Variants in NR1D1 observed in about 807,000 individuals in gnomAD.
NR1D1 encodes Rev-ErbAalpha.
A neutral mutation model predicts 51.1 loss-of-function variants in NR1D1; 17 were observed. The ratio of observed to expected loss-of-function variants is 0.33; its 90% confidence interval spans 0.23 to 0.50. The LOEUF (loss-of-function observed/expected upper bound fraction) is 0.50. Among genes scored for constraint, NR1D1 ranks in the 20% least tolerant of loss-of-function variants. The pLI, the probability that NR1D1 is intolerant of heterozygous loss-of-function variation, is 0.98. For synonymous variants in NR1D1, 341 were observed against 333.4 expected (o/e 1.02, Z -0.25); for missense variants, 647 against 830.4 (o/e 0.78, Z 2.71).
In NR1D1 at chr17:40,096,787, A is replaced by C. The variant is rs549909482; in HGVS notation, c.371-8T>G. The C allele has an allele frequency of 5.6e-6, 9 of 1,613,854 alleles. No individual in the cohort carries two copies. Among genetic ancestry groups the C allele is most frequent in the African/African-American group, 5.3e-5 (4 of 74,936 alleles). ...ACACCATGCCATTCAGCTCTGTGGA[A>C]GAGACGGGCAGCAGGTGAGCAGGAG... On this transcript the variant is annotated splice_polypyrimidine_tract_variant and splice_region_variant and intron_variant, in intron 2 of 7. Transcript: ENST00000246672.
At chr17:40,096,166 G>C in intron 4 of NR1D1, 79 bp from the exon 5 acceptor site, 1 of 1,543,324 alleles carries the variant, frequency 6.5e-7, no homozygotes, top group Admixed American at 1.9e-5. Flanking sequence ...TCCTGAAAGG[G>C]CAAGGCCCTG....
At position 40,097,348 on chromosome 17, in the gene NR1D1, A is replaced by G. The variant is rs776537038; in HGVS notation, c.87T>C (p.Pro29=). 1.9e-6 allele frequency: 3 copies of G among 1,613,614 alleles called. No homozygotes were observed. The highest frequency in any genetic ancestry group is 1.7e-6 in the Non-Finnish European group (2 of 1,179,932). The change falls in exon 2 of 8, where the codon CCT becomes CCC. Residue 29 remains proline (P), a synonymous_variant. Transcript: ENST00000246672. ...TGGAGTTGTCACTATAGAGGGATTC[A>G]GGGCTGGTGCGGCTTGGGGAGGAGC... ...SSGSSPSRTS[P]ESLYSDNSNG...
chr17:40,092,937 CAG>C lies in NR1D1; in HGVS notation c.*144_*145del, dbSNP rs1302294715. 6.9e-5 allele frequency: 105 copies of C among 1,528,096 alleles called. No homozygotes were observed. Among genetic ancestry groups the C allele is most frequent in the Non-Finnish European group, 8.1e-5 (92 of 1,136,906 alleles). 94.7% of individuals were successfully genotyped at this position (1,528,096 alleles called of 1,614,324 possible). ...GGAGGCAGGTATTTACAAGAAGGCT[CAG>C]GGGGCCAGAGGCTCATCTTGGAATA... On this transcript the variant is annotated 3_prime_UTR_variant, in exon 8 of 8. Coordinates refer to ENST00000246672, the MANE Select transcript of NR1D1 (RefSeq NM_021724.5).
At position 40,095,888 on chromosome 17, in the gene NR1D1, CTG is replaced by C; in HGVS notation, c.802_803del (p.Gln268ValfsTer14). The C allele has an allele frequency of 6.3e-7, 1 of 1,595,892 alleles. No homozygotes were observed. The highest frequency in any genetic ancestry group is 8.5e-7 in the Non-Finnish European group (1 of 1,170,326). Reference protein sequence around the residue: ...PVPSPLVGFSQFPQQLTPPRS... With the variant: ...PVPSPLVGFSXFPQQLTPPRS... ...TGGGAGGCGTCAGCTGTTGTGGAAA[CTG>C]GGAGAAGCCCACCAGGGGTGAGGGG... On this transcript the variant is annotated frameshift_variant, in exon 5 of 8. Coordinates refer to ENST00000246672, the MANE Select transcript of NR1D1 (RefSeq NM_021724.5). LOFTEE classifies it high-confidence loss of function.
intron 6 of NR1D1, 75 bp from the exon 7 acceptor site, chr17:40,094,197 G>A (rs1032539725): frequency 7.1e-7 from 1 of 1,410,032 alleles, no homozygotes; most frequent in Non-Finnish European, 1.0e-6. Context: ...TAGTTTGCCA[G>A]AGGGTTTAGC....
Position 40,097,111 on chromosome 17 carries a change from C to T in NR1D1, c.324G>A (p.Glu108=), listed in dbSNP as rs771314203. Residue 108 remains glutamate, a synonymous_variant, in exon 2 of 8, where the codon GAG becomes GAA. Transcript: ENST00000246672. ...TGCTGGGGGACACTCGGCTGCTGTC[C>T]TCCATGGCCACTTGTAGACTCCCAG... ...SPPGSLQVAM[E]DSSRVSPSKS... 1.9e-6 allele frequency: 3 copies of T among 1,609,574 alleles called. No homozygotes were observed. Among genetic ancestry groups the T allele is most frequent in the African/African-American group, 2.7e-5 (2 of 74,886 alleles).
chr17:40,093,127 T>C lies in NR1D1; in HGVS notation c.1801A>G (p.Met601Val). Residue 601 changes from methionine (M) to valine (V), a missense_variant, in exon 8 of 8, where the codon ATG becomes GTG. This residue lies in a region of NR1D1 where 155 missense variants were observed against 236.8 expected (regional missense o/e 0.65). Transcript: ENST00000246672. This position sits in a 1 kb window ranked among gnomAD's most constrained non-coding sequence, Gnocchi z 5.9. The stretch of plus-strand genomic sequence containing the variant: ...AAGGACAGCAGCTTCTCGGAATGCA[T>C]GTTGTTCAGGGTCCGCAGGTCCGGC... ...KLPDLRTLNN[M>V]HSEKLLSFRV... 6.2e-7 allele frequency: 1 copy of C among 1,613,926 alleles called. No homozygotes were observed. Among genetic ancestry groups the C allele is most frequent in the Non-Finnish European group, 8.5e-7 (1 of 1,179,972 alleles).
At position 40,093,245 on chromosome 17, in the gene NR1D1, C is replaced by G; in HGVS notation, c.1683G>C (p.Gln561His). The change falls in exon 8 of 8, where the codon CAG (glutamine) becomes CAC (histidine). Residue 561 changes from glutamine (Q) to histidine (H), a missense_variant. Physicochemically the swap from Gln to His is conservative, Grantham distance 24 (BLOSUM62 0). Around this residue, in one of 7 missense-constraint regions of NR1D1, gnomAD observed 155 missense variants for 236.8 expected, o/e 0.65. Coordinates refer to ENST00000246672, the MANE Select transcript of NR1D1 (RefSeq NM_021724.5). The surrounding 1 kb of genome is among the most constrained non-coding windows in gnomAD (Gnocchi z 5.9). Reference protein sequence around the residue: ...SGMENSASVEQLQETLLRALR... With the variant: ...SGMENSASVEHLQETLLRALR... ...GAGCCCGCAGCAGCGTCTCCTGGAG[C>G]TGCTCCACCGAAGCGGAATTCTCCA... 6.2e-7 allele frequency: 1 copy of G among 1,613,734 alleles called. No homozygotes were observed. The highest frequency in any genetic ancestry group is 8.5e-7 in the Non-Finnish European group (1 of 1,180,034).
At position 40,096,783 on chromosome 17, in the gene NR1D1, T is replaced by A; in HGVS notation, c.371-4A>T. 1 of 1,614,016 alleles carries A rather than the reference T, an allele frequency of 6.2e-7. No homozygotes were observed. The highest frequency in any genetic ancestry group is 1.7e-5 in the Admixed American group (1 of 60,028). On this transcript the variant is annotated splice_polypyrimidine_tract_variant and splice_region_variant and intron_variant, in intron 2 of 7. Transcript: ENST00000246672. ...AGTAACACCATGCCATTCAGCTCTG[T>A]GGAAGAGACGGGCAGCAGGTGAGCA...
rs1363573337 is a variant in NR1D1 at position 40,095,813 on chromosome 17, G to A, written c.879C>T (p.Ala293=). ...PTVEDVISQV[A]RAHREIFTYA... The stretch of plus-strand genomic sequence containing the variant: ...AGGTGAAGATCTCTCGATGGGCCCG[G>A]GCCACCTGGGATATCACATCCTCCA... Residue 293 remains alanine, a synonymous_variant, in exon 5 of 8, where the codon GCC becomes GCT. Transcript: ENST00000246672. 2.5e-6 allele frequency: 4 copies of A among 1,613,784 alleles called. No individual in the cohort carries two copies. Among genetic ancestry groups the A allele is most frequent in the Non-Finnish European group, 3.4e-6 (4 of 1,179,936 alleles).
intron 1 of NR1D1, among the ~76,000 whole-genome samples, chr17:40,098,837 G>A (rs1287811682): frequency 1.3e-5 from 2 of 152,196 alleles, no homozygotes; most frequent in Admixed American, 1.3e-4. Context: ...TGGGGAACAG[G>A]AATTTGTAAT....
intron 6 of NR1D1, among the ~76,000 whole-genome samples, chr17:40,094,561 AC>A: frequency 6.6e-6 from 1 of 152,312 alleles, no homozygotes; most frequent in Non-Finnish European, 1.5e-5. Context: ...GGTCCTGCCC[AC>A]CCCAGACAGC....
chr17:40,095,587 A>C lies in NR1D1; in HGVS notation c.1105T>G (p.Trp369Gly). 6.2e-7 allele frequency: 1 copy of C among 1,611,050 alleles called. No individual in the cohort carries two copies. Among genetic ancestry groups the C allele is most frequent in the African/African-American group, 1.3e-5 (1 of 75,010 alleles). The change falls in exon 5 of 8, where the codon TGG (tryptophan) becomes GGG (glycine). Residue 369 changes from tryptophan (W) to glycine (G), a missense_variant. By Grantham distance (184) the Trp-to-Gly change is radical. Around this residue, in one of 7 missense-constraint regions of NR1D1, gnomAD observed 185 missense variants for 176.3 expected, o/e 1.05. Transcript: ENST00000246672. ...CTGTGGTGTGCAGGGCCAGGAGGCC[A>C]GGTGGGAGGGTAGGAGGAGGGAGCC... ...RQAPSSYPPT[W>G]PPGPAHHSCH...
Position 40,092,842 on chromosome 17 carries a change from C to T in NR1D1, c.*241G>A, listed in dbSNP as rs1051481979. 2 of 879,450 alleles carry T rather than the reference C, an allele frequency of 2.3e-6. No individual in the cohort carries two copies. The highest frequency in any genetic ancestry group is 3.4e-6 in the Non-Finnish European group (2 of 594,060). The allele number at this position is 879,450 out of a possible 1,614,324, so 54.5% of individuals were successfully genotyped here. The stretch of plus-strand genomic sequence containing the variant: ...GACAGGAACAGAACAAATCAGAGGG[C>T]CAGGGGAGGGTTGTGGGGGAGACAG... On this transcript the variant is annotated 3_prime_UTR_variant, in exon 8 of 8. Transcript: ENST00000246672.
Position 40,093,472 on chromosome 17 carries a change from G to A in NR1D1, c.1646-190C>T. On this transcript the variant is annotated intron_variant, in intron 7 of 7. Coordinates refer to ENST00000246672, the MANE Select transcript of NR1D1 (RefSeq NM_021724.5). The surrounding 1 kb of genome is among the most constrained non-coding windows in gnomAD (Gnocchi z 5.9). ...AAGAGCAGGAGGTGCCTGAAAGCTG[G>A]GAGCGTGGGCTCAGCAGGGCTGGTC... 1 of 1,487,194 alleles carries A rather than the reference G, an allele frequency of 6.7e-7. No homozygotes were observed. The highest frequency in any genetic ancestry group is 2.4e-5 in the East Asian group (1 of 40,998). The allele number at this position is 1,487,194 out of a possible 1,614,324, so 92.1% of individuals were successfully genotyped here. A position where few individuals can be genotyped will look rare whatever the true frequency, so the allele number is the denominator to read the frequency against.
chr17:40,097,238 C>T lies in NR1D1; in HGVS notation c.197G>A (p.Arg66His), dbSNP rs771918503. ...PTGSLTQDPA[R>H]SFGSIPPSLS... is the part of the protein sequence containing the mutation. ...GCTGGGTGGAATGCTCCCAAAGGAGCGAGCCGGGTCTTGGGTGAGGGAGCC... is the reference window on the plus strand; with the variant it reads ...GCTGGGTGGAATGCTCCCAAAGGAGTGAGCCGGGTCTTGGGTGAGGGAGCC... The change falls in exon 2 of 8, where the codon CGC (arginine) becomes CAC (histidine). Residue 66 changes from arginine to histidine, a missense_variant. Arg to His is a conservative substitution (Grantham distance 29). Around this residue, in one of 7 missense-constraint regions of NR1D1, gnomAD observed 98 missense variants for 94.7 expected, o/e 1.03. Coordinates refer to ENST00000246672, the MANE Select transcript of NR1D1 (RefSeq NM_021724.5). The T allele has an allele frequency of 1.1e-5, 17 of 1,610,512 alleles. No homozygotes were observed. The highest frequency in any genetic ancestry group is 1.3e-5 in the African/African-American group (1 of 74,810).
intron 5 of NR1D1, 98 bp downstream of exon 5, chr17:40,095,346 C>T: frequency 7.0e-7 from 1 of 1,424,684 alleles, no homozygotes; most frequent in Non-Finnish European, 9.4e-7. Context: ...GCTATCCCCA[C>T]ACTCAGCCTC....
In NR1D1 at chr17:40,092,856, T is replaced by TG. The variant is rs1360293738; in HGVS notation, c.*226dup. Reference sequence around the variant, plus strand: ...AAATCAGAGGGCCAGGGGAGGGTTGTGGGGGAGACAGAGTGGTTTAAATAG... The same window carrying TG: ...AAATCAGAGGGCCAGGGGAGGGTTGTGGGGGGAGACAGAGTGGTTTAAATAG... On this transcript the variant is annotated 3_prime_UTR_variant, in exon 8 of 8. Transcript: ENST00000246672. 1.0e-6 allele frequency: 1 copy of TG among 955,702 alleles called. No individual in the cohort carries two copies. Among genetic ancestry groups the TG allele is most frequent in the Non-Finnish European group, 1.5e-6 (1 of 664,046 alleles). 59.2% of individuals were successfully genotyped at this position (955,702 alleles called of 1,614,324 possible).
At chr17:40,094,811 T>C (rs1987713598) in intron 6 of NR1D1, 124 bp downstream of exon 6, 9 of 844,978 alleles carry the variant, frequency 1.1e-5, no homozygotes, top group Middle Eastern at 3.2e-4. Context: ...GGTAGGAGAA[T>C]TGCTTGAACC....
Sources: gnomAD v4.1 joint callset for allele counts (sites outside exome capture counted in the v4.1 genomes callset) on GRCh38, gnomAD v4.1.1 for gene constraint, gnomAD v4.1.1 regional missense constraint, Gnocchi (gnomAD v3.1) non-coding constraint, MANE v1.5 for transcripts, NCBI Gene and HGNC (gene_info 2026-07-23, HGNC 2026-07-21) for gene names.